WDR87: variants seen among roughly 807,000 people sequenced by gnomAD.
WDR87 encodes the protein WD repeat-containing protein 87.
Under a neutral mutation model 83.3 loss-of-function variants are expected in WDR87, and 56 were observed. The observed-to-expected ratio is 0.67, with a 90% CI of 0.54 to 0.84. The LOEUF (loss-of-function observed/expected upper bound fraction) is 0.84, where lower values mean the gene tolerates loss of function less well. WDR87 is among the 40% of genes least tolerant of loss of function. The probability of loss-of-function intolerance (pLI) is 0.00; values close to 1 mark genes in which losing one functional copy is unlikely to be tolerated. For synonymous variants in WDR87, 1,173 were observed against 1,250.6 expected, an observed-to-expected ratio of 0.94 and a Z score of 1.31; for missense variants, 2,939 against 3,431.9, an observed-to-expected ratio of 0.86 and a Z score of 3.59.
At chr19:37,898,888 C>T (rs1005619216) in intron 1 of WDR87, among the ~76,000 whole-genome samples, 1 of 152,172 alleles carries the variant, frequency 6.6e-6, no homozygotes, top group African/African-American at 2.4e-5. Context: ...CCTTTCCTGC[C>T]AGATGTAGAA....
chr19:37,891,376 C>A (rs1456398835), intron 5 of WDR87, among the ~76,000 whole-genome samples, 176 bp downstream of exon 5: 1 of 152,012 alleles, frequency 6.6e-6, no homozygotes, highest in Non-Finnish European at 1.5e-5. Flanking sequence ...GTTGGCCGGG[C>A]TGGTCTCGAG....
chr19:37,885,773 A>G lies in WDR87; in HGVS notation c.7898T>C (p.Met2633Thr), dbSNP rs552860128. 8.6e-5 allele frequency: 134 copies of G among 1,551,736 alleles called. No individual in the cohort carries two copies. In the South Asian group the frequency reaches 1.0e-3, roughly 12 times the overall value. The change falls in exon 6 of 6, where the codon ATG becomes ACG. Residue 2633 changes from methionine (M) to threonine (T), a missense_variant. Physicochemically the swap from Met to Thr is moderately conservative, Grantham distance 81. Transcript: ENST00000447313. ...AATCACTTTCAGGTATTTTGGACTC[A>G]TGGACTGTCTACTTGAGATCCTTGT... The part of the protein sequence containing the change: ...QDTRISSRQS[M>T]SPKYLKVIPP...
chr19:37,890,975 A>G (rs1220937293), intron 5 of WDR87, among the ~76,000 whole-genome samples: 1 of 152,066 alleles, frequency 6.6e-6, no homozygotes, highest in Non-Finnish European at 1.5e-5. Context: ...AAGTTCTGGG[A>G]TACATGTGCA....
In WDR87 at chr19:37,893,134, T is replaced by C. The variant is rs530050794; in HGVS notation, c.2569A>G (p.Arg857Gly). The change falls in exon 4 of 6, where the codon AGG (arginine) becomes GGG (glycine). Residue 857 changes from arginine (R) to glycine (G), a missense_variant. Arg to Gly is a moderately radical substitution (Grantham distance 125). Around this residue, in one of 3 missense-constraint regions of WDR87, gnomAD observed 2,160 missense variants for 2,533.1 expected, o/e 0.85. Coordinates refer to ENST00000447313, the MANE Select transcript of WDR87 (RefSeq NM_001291088.2). ...HAPQRELEWD[R>G]SQEFFFWHSR... Reference sequence around the variant, plus strand: ...TGCCAGAAAAAGAATTCTTGAGACCTGTCCCATTCCAGCTCCCGCTGGGGT... The same window carrying C: ...TGCCAGAAAAAGAATTCTTGAGACCCGTCCCATTCCAGCTCCCGCTGGGGT... 1 of 1,551,874 alleles carries C rather than the reference T, an allele frequency of 6.4e-7. No homozygotes were observed. Among genetic ancestry groups the C allele is most frequent in the East Asian group, 2.4e-5 (1 of 40,924 alleles).
At chr19:37,903,790 A>G (rs181228504) in intron 1 of WDR87, among the ~76,000 whole-genome samples, 3 of 152,072 alleles carry the variant, frequency 2.0e-5, no homozygotes, top group African/African-American at 4.8e-5. Context: ...TCAGCCTCCC[A>G]AAGTGTTGGG....
intron 1 of WDR87, among the ~76,000 whole-genome samples, chr19:37,905,231 CA>C (rs556366437): frequency 0.12 from 7,597 of 64,038 alleles, 201 homozygotes; most frequent in African/African-American, 0.18. Flanking sequence ...ACTCCGTCTC[CA>C]AAAAAAAAAA....
intron 1 of WDR87, among the ~76,000 whole-genome samples, chr19:37,900,119 G>A (rs538681572): frequency 2.0e-4 from 30 of 152,312 alleles, no homozygotes; most frequent in African/African-American, 7.0e-4. Context: ...TACAGTGGGT[G>A]AGAGCCCACA....
In WDR87 at chr19:37,892,869, C is replaced by T. The variant is rs1256755442; in HGVS notation, c.2834G>A (p.Gly945Glu). The T allele has an allele frequency of 1.9e-6, 3 of 1,551,770 alleles. No homozygotes were observed. ...LKYQCCVGALGQIFASYQVSP... is the reference protein window; with the variant it reads ...LKYQCCVGALEQIFASYQVSP... ...CACCTGGTAAGAGGCAAAGATTTGC[C>T]CTAGTGCACCAACACAGCACTGGTA... The change falls in exon 4 of 6, where the codon GGG (glycine) becomes GAG (glutamate). Residue 945 changes from glycine (G) to glutamate (E), a missense_variant. Around this residue, in one of 3 missense-constraint regions of WDR87, gnomAD observed 2,160 missense variants for 2,533.1 expected, o/e 0.85. Coordinates refer to ENST00000447313, the MANE Select transcript of WDR87 (RefSeq NM_001291088.2).
chr19:37,888,965 G>A lies in WDR87; in HGVS notation c.4706C>T (p.Ser1569Leu). 1 of 1,551,958 alleles carries A rather than the reference G, an allele frequency of 6.4e-7. No individual in the cohort carries two copies. The highest frequency in any genetic ancestry group is 8.7e-7 in the Non-Finnish European group (1 of 1,147,098). Residue 1569 changes from serine (S) to leucine (L), a missense_variant, in exon 6 of 6, where the codon TCA becomes TTA. Ser to Leu is a moderately radical substitution (Grantham distance 145). Around this residue, in one of 3 missense-constraint regions of WDR87, gnomAD observed 2,160 missense variants for 2,533.1 expected, o/e 0.85. Transcript: ENST00000447313. ...EWKQVWENML[S>L]SKSKEQQYKD... ...GTACTGTTGCTCCTTGGACTTAGAT[G>A]ATAACATATTTTCCCAGACTTGTTT...
rs753002937 is a variant in WDR87 at position 37,894,254 on chromosome 19, A to G, written c.1449T>C (p.Ser483=). 4.9e-5 allele frequency: 76 copies of G among 1,551,484 alleles called. No homozygotes were observed. Among genetic ancestry groups the G allele is most frequent in the Middle Eastern group, 3.3e-4 (2 of 6,010 alleles). Residue 483 remains serine, a synonymous_variant, in exon 4 of 6, where the codon AGT becomes AGC. Coordinates refer to ENST00000447313, the MANE Select transcript of WDR87 (RefSeq NM_001291088.2). ...GCTGGGAGAGCACTCTTATCACACC[A>G]CTCTGGTGCCCAGAGAATATCAGTC... The part of the protein sequence containing the change: ...LEGLIFSGHQ[S]GVIRVLSQHS...
At chr19:37,898,335 G>C in intron 1 of WDR87, 50 bp from the exon 2 acceptor site, 3 of 1,497,156 alleles carry the variant, frequency 2.0e-6, no homozygotes, top group Non-Finnish European at 2.7e-6. Flanking sequence ...TTTCCGAGAA[G>C]CTAGGAATCA....
rs966248675 is a variant in WDR87, at chr19:37,886,156, A to G, written c.7515T>C (p.Phe2505=). ...ESQAQDLKTP[F]MSHILRRTVE... is the part of the protein sequence containing the mutation. Reference sequence around the variant, plus strand: ...CGGTCCTCCTTAATATGTGGGACATAAATGGGGTCTTTAAGTCCTGTGCTT... The same window carrying G: ...CGGTCCTCCTTAATATGTGGGACATGAATGGGGTCTTTAAGTCCTGTGCTT... The change falls in exon 6 of 6, where the codon TTT becomes TTC. Residue 2505 remains phenylalanine (F), a synonymous_variant. Transcript: ENST00000447313. The G allele has an allele frequency of 6.4e-6, 10 of 1,551,620 alleles. No homozygotes were observed. In the African/African-American group the frequency reaches 1.4e-4, roughly 21 times the overall value.
chr19:37,888,713 C>G lies in WDR87; in HGVS notation c.4958G>C (p.Arg1653Thr). 1.9e-6 allele frequency: 3 copies of G among 1,551,550 alleles called. No individual in the cohort carries two copies. The highest frequency in any genetic ancestry group is 2.6e-6 in the Non-Finnish European group (3 of 1,146,958). Residue 1653 changes from arginine (R) to threonine (T), a missense_variant, in exon 6 of 6, where the codon AGA becomes ACA. Transcript: ENST00000447313. ...TTTCACGTATGCCTGGGCCAGTTTT[C>G]TCTCTTCCTGGGCCAACTGTCTCTC... ...QEERQLAQEE[R>T]KLAQAYVKIT...
chr19:37,905,972 T>G (rs1475828128), intron 1 of WDR87, among the ~76,000 whole-genome samples: 4 of 152,184 alleles, frequency 2.6e-5, no homozygotes, highest in Non-Finnish European at 4.4e-5. Flanking sequence ...TGACATGGAA[T>G]AGGTGGTTAA....
At chr19:37,905,039 C>T (rs749837270) in intron 1 of WDR87, among the ~76,000 whole-genome samples, 138 of 151,980 alleles carry the variant, frequency 9.1e-4, no homozygotes, top group Non-Finnish European at 8.4e-4. Context: ...CGAGACCATC[C>T]TGGCTAACAT....
chr19:37,887,028 G>T lies in WDR87; in HGVS notation c.6643C>A (p.Leu2215Met), dbSNP rs1190940701. 1 of 1,551,800 alleles carries T rather than the reference G, an allele frequency of 6.4e-7. No individual in the cohort carries two copies. Residue 2215 changes from leucine to methionine, a missense_variant, in exon 6 of 6, where the codon CTG becomes ATG. Around this residue, in one of 3 missense-constraint regions of WDR87, gnomAD observed 2,160 missense variants for 2,533.1 expected, o/e 0.85. Coordinates refer to ENST00000447313, the MANE Select transcript of WDR87 (RefSeq NM_001291088.2). ...ATTCCTCCTTCCTCTTCATCATCCA[G>T]TATGACTTCTGAATGCTTTCTGGCC... ...KLARKHSEVI[L>M]DDEEEGGIEE...
Position 37,894,689 on chromosome 19 carries a change from GA to G in WDR87, c.1013del (p.Phe338SerfsTer58). The G allele has an allele frequency of 6.4e-7, 1 of 1,551,714 alleles. No individual in the cohort carries two copies. Among genetic ancestry groups the G allele is most frequent in the South Asian group, 1.2e-5 (1 of 84,062 alleles). On this transcript the variant is annotated frameshift_variant, in exon 4 of 6. Transcript: ENST00000447313. LOFTEE classifies it high-confidence loss of function. ...AAAAACTATGGGCAGTTTGGCAGAAGAAAGTAATGCTGTCAATAAACTGGAG... is the reference window on the plus strand; with the variant it reads ...AAAAACTATGGGCAGTTTGGCAGAAGAAGTAATGCTGTCAATAAACTGGAG... ...YRLQFIDSIT[F>X]FCQTAHSFSL...
chr19:37,899,723 C>T (rs538118372), intron 1 of WDR87, among the ~76,000 whole-genome samples: 44 of 152,256 alleles, frequency 2.9e-4, no homozygotes, highest in African/African-American at 9.1e-4. Flanking sequence ...GCTGGGATTT[C>T]GGGCATGAGC....
In WDR87 at chr19:37,886,829, C is replaced by T. The variant is rs2046152314; in HGVS notation, c.6842G>A (p.Ser2281Asn). The change falls in exon 6 of 6, where the codon AGT becomes AAT. Residue 2281 changes from serine to asparagine, a missense_variant. This residue lies in a region of WDR87 where 2,160 missense variants were observed against 2,533.1 expected (regional missense o/e 0.85). Transcript: ENST00000447313. ...TTCCTCCTCCTCCTCAGAAGACAAA[C>T]TCTCTTGCTTTTCTAGTTCATCTAA... ...SLLDELEKQE[S>N]LSSEEEEERE... 6.5e-7 allele frequency: 1 copy of T among 1,550,190 alleles called. No homozygotes were observed. Among genetic ancestry groups the T allele is most frequent in the East Asian group, 2.4e-5 (1 of 40,832 alleles).
Sources: gnomAD v4.1 joint callset for allele counts (sites outside exome capture counted in the v4.1 genomes callset) on GRCh38, gnomAD v4.1.1 for gene constraint, gnomAD v4.1.1 regional missense constraint, MANE v1.5 for transcripts, NCBI Gene and HGNC (gene_info 2026-07-23, HGNC 2026-07-21) for gene names.